ANGPT2: variants seen among roughly 807,000 people sequenced by gnomAD.
ANGPT2 encodes the protein angiopoietin 2.
Under a neutral mutation model 62.9 loss-of-function variants are expected in ANGPT2, and 28 were observed. That is an observed-to-expected ratio of 0.44 (90% CI 0.33 to 0.61). ANGPT2 has a LOEUF of 0.61. Ranked by LOEUF, ANGPT2 falls within the 20% of genes least tolerant of loss-of-function variation. The probability of loss-of-function intolerance (pLI) is 0.03; values close to 1 mark genes in which losing one functional copy is unlikely to be tolerated. For missense variants in ANGPT2, 727 were observed against 594.9 expected (o/e 1.22, Z -2.31); for synonymous variants, 284 against 207.8 (o/e 1.37, Z -3.15).
chr8:6,560,558 C>T (rs1029274347), intron 1 of ANGPT2, among the ~76,000 whole-genome samples: 2 of 152,158 alleles, frequency 1.3e-5, no homozygotes, highest in Non-Finnish European at 2.9e-5. Flanking sequence ...GTGCACGTTG[C>T]TGAGATAGGC....
At chr8:6,548,364 A>G (rs536128235) in intron 1 of ANGPT2, among the ~76,000 whole-genome samples, 1 of 152,316 alleles carries the variant, frequency 6.6e-6, no homozygotes, top group East Asian at 1.9e-4. Context: ...GGGCAAGTCC[A>G]TGCTAGCCTA....
chr8:6,506,952 T>C (rs565641195), intron 8 of ANGPT2, among the ~76,000 whole-genome samples: 7 of 152,196 alleles, frequency 4.6e-5, no homozygotes, highest in Non-Finnish European at 7.4e-5. Context: ...GGCTGGATTG[T>C]ACTGGTGCGA....
intron 8 of ANGPT2, chr8:6,507,795 C>G (rs932385342): frequency 2.6e-5 from 4 of 151,956 alleles, no homozygotes; most frequent in African/African-American, 7.2e-5. Flanking sequence ...GTTGGCCAGG[C>G]TGGTCTTGAA....
chr8:6,523,389 T>G (rs1375096213), intron 3 of ANGPT2, among the ~76,000 whole-genome samples: 4 of 152,344 alleles, frequency 2.6e-5, no homozygotes, highest in Admixed American at 2.6e-4. Context: ...TTTGCCTTCC[T>G]AATTTCAACT....
At chr8:6,553,793 C>T (rs74552201) in intron 1 of ANGPT2, among the ~76,000 whole-genome samples, 2 of 152,022 alleles carry the variant, frequency 1.3e-5, no homozygotes, top group South Asian at 2.1e-4. Context: ...AGCAGAAAAG[C>T]GAATGTCAGA....
At chr8:6,550,299 C>G (rs3020226) in intron 1 of ANGPT2, among the ~76,000 whole-genome samples, 4,133 of 152,238 alleles carry the variant, frequency 0.027, 192 homozygotes, top group African/African-American at 0.09. Flanking sequence ...CCCGGGGCAT[C>G]TGCCTCTCCC....
intron 1 of ANGPT2, among the ~76,000 whole-genome samples, chr8:6,545,364 TTTAAAAAC>T (rs1822391043): frequency 6.6e-6 from 1 of 152,216 alleles, no homozygotes; most frequent in African/African-American, 2.4e-5. Flanking sequence ...CAAAAATTCT[TTTAAAAAC>T]TAAAAGACAT....
At chr8:6,529,200 G>A (rs551586463) in intron 2 of ANGPT2, among the ~76,000 whole-genome samples, 1 of 152,200 alleles carries the variant, frequency 6.6e-6, no homozygotes, top group Admixed American at 6.5e-5. Flanking sequence ...CATCTGCAGG[G>A]GACTGTAAAT....
intron 3 of ANGPT2, among the ~76,000 whole-genome samples, chr8:6,522,686 A>C (rs1312637162): frequency 6.6e-6 from 1 of 151,454 alleles, no homozygotes; most frequent in African/African-American, 2.4e-5. Flanking sequence ...AGGCAGGAGA[A>C]CTGCTTGAAC....
chr8:6,542,005 C>G (rs1821670356), intron 1 of ANGPT2, among the ~76,000 whole-genome samples: 1 of 133,148 alleles, frequency 7.5e-6, no homozygotes, highest in Admixed American at 7.8e-5. Flanking sequence ...GAGACTCAAT[C>G]TCAAAAAAAA....
At chr8:6,543,669 C>A (rs915088453) in intron 1 of ANGPT2, among the ~76,000 whole-genome samples, 5 of 152,122 alleles carry the variant, frequency 3.3e-5, no homozygotes, top group Admixed American at 3.3e-4. Context: ...ATTTCATAAC[C>A]GCTGAAGTTC....
intron 1 of ANGPT2, among the ~76,000 whole-genome samples, chr8:6,555,311 C>T (rs750229416): frequency 4.1e-4 from 63 of 152,176 alleles, no homozygotes; most frequent in South Asian, 6.2e-4. Flanking sequence ...TGAATTTCGT[C>T]GTCCTGCCTT....
At chr8:6,562,578 T>TTTTTTTTAAA in intron 1 of ANGPT2, 69 bp downstream of exon 1, 1 of 880,186 alleles carries the variant, frequency 1.1e-6, no homozygotes, top group Non-Finnish European at 1.6e-6. Context: ...TTTTGGTTGT[T>TTTTTTTTAAA]AAAACCTGAG....
At chr8:6,516,680 A>G (rs1271313013) in intron 5 of ANGPT2, among the ~76,000 whole-genome samples, 2 of 152,210 alleles carry the variant, frequency 1.3e-5, no homozygotes, top group Non-Finnish European at 2.9e-5. Context: ...TCATGTACAT[A>G]TATTGAAGTT....
At chr8:6,524,348 T>C (rs1220454115) in intron 3 of ANGPT2, among the ~76,000 whole-genome samples, 1 of 152,256 alleles carries the variant, frequency 6.6e-6, no homozygotes, top group Admixed American at 6.5e-5. Context: ...AAATATTCTA[T>C]ACATTTCACT....
chr8:6,541,760 T>G (rs1041517972), intron 1 of ANGPT2, among the ~76,000 whole-genome samples: 3 of 152,074 alleles, frequency 2.0e-5, no homozygotes, highest in Non-Finnish European at 4.4e-5. Context: ...TCCCAATACT[T>G]TAGGGGGCCA....
chr8:6,542,313 T>C (rs1586509222), intron 1 of ANGPT2, among the ~76,000 whole-genome samples: 3 of 151,860 alleles, frequency 2.0e-5, no homozygotes, highest in Admixed American at 1.3e-4. Flanking sequence ...TGTGTGTGTA[T>C]CTGTGTGTGT....
intron 1 of ANGPT2, among the ~76,000 whole-genome samples, chr8:6,550,912 C>G (rs1319191035): frequency 1.3e-5 from 2 of 152,126 alleles, no homozygotes; most frequent in Non-Finnish European, 2.9e-5. Flanking sequence ...CAATTACAGC[C>G]CAAGGAGCCC....
chr8:6,555,920 C>G (rs1490144887), intron 1 of ANGPT2, among the ~76,000 whole-genome samples: 1 of 152,168 alleles, frequency 6.6e-6, no homozygotes, highest in Non-Finnish European at 1.5e-5. Flanking sequence ...GCTTCAGCAC[C>G]ATCCTCACAT....
Sources: gnomAD v4.1 joint callset for allele counts (sites outside exome capture counted in the v4.1 genomes callset) on GRCh38, gnomAD v4.1.1 for gene constraint, MANE v1.5 for transcripts, NCBI Gene and HGNC (gene_info 2026-07-23, HGNC 2026-07-21) for gene names.